The following MET variants were observed in gnomAD, a reference collection of about 807,000 sequenced individuals.
MET encodes the protein MET proto-oncogene, receptor tyrosine kinase, also known as hepatocyte growth factor receptor.
In MET, 48 loss-of-function variants were observed where a neutral mutation model predicts 133.1. The ratio of observed to expected loss-of-function variants is 0.36; its 90% CI spans 0.29 to 0.46. The LOEUF (loss-of-function observed/expected upper bound fraction) is 0.46. MET is among the 20% of genes least tolerant of loss of function. The pLI, the probability that MET is intolerant of heterozygous loss-of-function variation, is 1.00. For missense variants in MET, 1,442 were observed against 1,695.9 expected (o/e 0.85, Z 2.63); for synonymous variants, 628 against 616.5 (o/e 1.02, Z -0.28).
In MET at chr7:116,719,389, G is replaced by T. The variant is rs1482387416; in HGVS notation, c.1201-12279G>T. On this transcript the variant is annotated intron_variant, in intron 2 of 20. Transcript: ENST00000397752. ...AGTTCATTGTAGATTCTGGATATTAGCCCTTTGTCAGATGAGTAGGTTGCA... is the reference window on the plus strand; with the variant it reads ...AGTTCATTGTAGATTCTGGATATTATCCCTTTGTCAGATGAGTAGGTTGCA... Among the ~76,000 whole-genome samples, 58 of 151,706 alleles carry T rather than the reference G, an allele frequency of 3.8e-4. No individual in the cohort carries two copies. The East Asian group carries it at 0.01, about 27-fold the overall frequency.
intron 1 of MET, among the ~76,000 whole-genome samples, chr7:116,678,989 GCAACCATGA>G (rs796447036): frequency 2.4e-4 from 36 of 152,256 alleles, no homozygotes; most frequent in African/African-American, 8.2e-4. Context: ...CTAAAATCTT[GCAACCATGA>G]CAGTATGGAT....
At chr7:116,776,964 T>C (rs1462010873) in intron 15 of MET, among the ~76,000 whole-genome samples, 1 of 152,234 alleles carries the variant, frequency 6.6e-6, no homozygotes. Flanking sequence ...CTTATTAGAA[T>C]ATAGAGAACT....
In MET at chr7:116,795,974, C is replaced by T. The variant is rs2117111707; in HGVS notation, c.4023C>T (p.Phe1341=). Reference sequence around the variant, plus strand: ...TGGTGTCCCGGATATCAGCGATCTTCTCTACTTTCATTGGGGAGCACTATG... The same window carrying T: ...TGGTGTCCCGGATATCAGCGATCTTTTCTACTTTCATTGGGGAGCACTATG... ...SELVSRISAI[F]STFIGEHYVH... The change falls in exon 21 of 21, where the codon TTC becomes TTT. Residue 1341 remains phenylalanine (F), a synonymous_variant. Transcript: ENST00000397752. The T allele has an allele frequency of 6.2e-7, 1 of 1,614,164 alleles. No individual in the cohort carries two copies. Among genetic ancestry groups the T allele is most frequent in the Non-Finnish European group, 8.5e-7 (1 of 1,180,002 alleles).
At chr7:116,689,751 T>G (rs549938487) in intron 1 of MET, among the ~76,000 whole-genome samples, 17 of 151,974 alleles carry the variant, frequency 1.1e-4, no homozygotes, top group African/African-American at 4.1e-4. Context: ...TTATTTTTTG[T>G]AGAGATGGGG....
chr7:116,788,478 C>G (rs571403009), intron 19 of MET, among the ~76,000 whole-genome samples: 5 of 152,128 alleles, frequency 3.3e-5, no homozygotes, highest in Non-Finnish European at 5.9e-5. Context: ...CCCCCACCTC[C>G]CCAACAAACA....
intron 1 of MET, among the ~76,000 whole-genome samples, chr7:116,685,623 T>C (rs1584860504): frequency 1.3e-5 from 2 of 151,842 alleles, no homozygotes; most frequent in African/African-American, 4.8e-5. Context: ...GAGGCGGAGG[T>C]TGCAGTTAGC....
intron 19 of MET, among the ~76,000 whole-genome samples, chr7:116,790,419 A>G (rs1034209838): frequency 5.3e-5 from 8 of 152,206 alleles, no homozygotes; most frequent in Non-Finnish European, 1.2e-4. Flanking sequence ...AGCTTCATCC[A>G]TGTTCTAGTA....
chr7:116,686,194 C>T (rs184378419), intron 1 of MET, among the ~76,000 whole-genome samples: 1 of 152,252 alleles, frequency 6.6e-6, no homozygotes, highest in Admixed American at 6.5e-5. Context: ...TCCCAGGGGC[C>T]TACAAGGCCT....
At chr7:116,759,140 G>A (rs1333347470) in intron 9 of MET, among the ~76,000 whole-genome samples, 1 of 152,100 alleles carries the variant, frequency 6.6e-6, no homozygotes, top group Admixed American at 6.6e-5. Context: ...TTTCAGAGGT[G>A]AAATATTTAT....
intron 19 of MET, among the ~76,000 whole-genome samples, chr7:116,790,404 T>C (rs1475488646): frequency 6.6e-6 from 1 of 152,234 alleles, no homozygotes; most frequent in East Asian, 1.9e-4. Flanking sequence ...AGCAAAATAT[T>C]CTCAAGCTTC....
At chr7:116,783,261 A>T (rs2117064669) in intron 18 of MET, 43 bp from the exon 19 acceptor site, 1 of 1,610,910 alleles carries the variant, frequency 6.2e-7, no homozygotes, top group Non-Finnish European at 8.5e-7. Context: ...ATTGTAAATT[A>T]TTCTATTTCA....
chr7:116,695,618 A>C lies in MET; in HGVS notation c.-14-3453A>C. The C allele has an allele frequency of 7.2e-6, 2 of 276,684 alleles. 1 individual carries two copies. The highest frequency in any genetic ancestry group is 6.5e-5 in the South Asian group (2 of 30,596). 17.1% of individuals were successfully genotyped at this position (276,684 alleles called of 1,614,324 possible). A position where few individuals can be genotyped will look rare whatever the true frequency, so the allele number is the denominator to read the frequency against. On this transcript the variant is annotated intron_variant, in intron 1 of 20. Coordinates refer to ENST00000397752, the MANE Select transcript of MET (RefSeq NM_000245.4). ...ACCTCGCTTTGGAAGCTGCTTCGGC[A>C]TAGTGAAGCACTTAAGAGCATGGAT... is the stretch of plus-strand genomic sequence containing the variant.
At chr7:116,795,100 T>G (rs1298476736) in intron 19 of MET, among the ~76,000 whole-genome samples, 1 of 152,250 alleles carries the variant, frequency 6.6e-6, no homozygotes, top group African/African-American at 2.4e-5. Flanking sequence ...TGAAATTAAT[T>G]TTCAATAGAG....
intron 4 of MET, 162 bp downstream of exon 4, chr7:116,740,246 T>C: frequency 1.2e-6 from 1 of 829,832 alleles, no homozygotes; most frequent in Non-Finnish European, 2.0e-6. Context: ...TGAAATCTAG[T>C]TAATTTGTTC....
At chr7:116,773,759 G>A (rs948434486) in intron 14 of MET, among the ~76,000 whole-genome samples, 7 of 152,070 alleles carry the variant, frequency 4.6e-5, no homozygotes, top group African/African-American at 9.7e-5. Context: ...GATGCCCAAC[G>A]CTTTTCTGGA....
At chr7:116,681,540 A>T (rs1282449283) in intron 1 of MET, among the ~76,000 whole-genome samples, 1 of 152,218 alleles carries the variant, frequency 6.6e-6, no homozygotes, top group Non-Finnish European at 1.5e-5. Context: ...TACAAAGTTC[A>T]TACTAGCATG....
intron 11 of MET, among the ~76,000 whole-genome samples, chr7:116,767,207 C>T (rs1219843125): frequency 6.6e-6 from 1 of 152,174 alleles, no homozygotes; most frequent in Non-Finnish European, 1.5e-5. Context: ...CTACCCACTT[C>T]CACTCCCATC....
intron 5 of MET, among the ~76,000 whole-genome samples, chr7:116,749,470 G>A (rs1584932208): frequency 1.3e-5 from 2 of 152,232 alleles, no homozygotes; most frequent in African/African-American, 2.4e-5. Flanking sequence ...AAAATAATAA[G>A]AGCTATTTAT....
chr7:116,732,765 T>C (rs1234410632), intron 3 of MET, among the ~76,000 whole-genome samples: 1 of 152,198 alleles, frequency 6.6e-6, no homozygotes, highest in Admixed American at 6.5e-5. Flanking sequence ...TGTCTATACA[T>C]CCTATATGTG....
Sources: allele counts gnomAD v4.1 joint callset (sites outside exome capture counted in the v4.1 genomes callset), GRCh38; gene constraint gnomAD v4.1.1; transcripts MANE v1.5; gene names NCBI Gene and HGNC (gene_info 2026-07-23, HGNC 2026-07-21).